PRDM10: variants seen among roughly 807,000 people sequenced by gnomAD.
PRDM10 encodes the protein PR/SET domain 10.
Under a neutral mutation model 133.1 loss-of-function variants are expected in PRDM10, and 65 were observed. That is an observed-to-expected ratio of 0.49 (90% CI 0.40 to 0.60). The LOEUF is 0.60. Among genes scored for constraint, PRDM10 ranks in the 20% least tolerant of loss-of-function variants. The pLI, the probability that PRDM10 is intolerant of heterozygous loss-of-function variation, is 0.00. For synonymous variants in PRDM10, 582 were observed against 580.4 expected, an observed-to-expected ratio of 1.00 and a Z score of -0.04; for missense variants, 1,137 against 1,507.1, an observed-to-expected ratio of 0.75 and a Z score of 4.07.
rs1282348947 is a variant in PRDM10, at chr11:129,901,263, G to A, written c.*1050C>T. On this transcript the variant is annotated 3_prime_UTR_variant, in exon 21 of 21. Coordinates refer to ENST00000360871, the MANE Select transcript of PRDM10 (RefSeq NM_199437.2). ...TCACAATATGTTTAAAGTTAAAAAT[G>A]TTAATAAATAAGAAATGCCACCTTC... is the stretch of plus-strand genomic sequence containing the variant. The A allele has an allele frequency of 6.6e-6, 1 of 152,594 alleles. No individual in the cohort carries two copies. The highest frequency in any genetic ancestry group is 1.5e-5 in the Non-Finnish European group (1 of 68,020). The allele number at this position is 152,594 out of a possible 1,614,324, so 9.5% of individuals were successfully genotyped here. A position where few individuals can be genotyped will look rare whatever the true frequency, so the allele number is the denominator to read the frequency against.
rs571956399 is a variant in PRDM10, at chr11:129,993,623, T to C, written c.-119+9099A>G. Among the ~76,000 whole-genome samples the C allele has an allele frequency of 1.1e-3, 169 of 152,282 alleles. No individual in the cohort carries two copies. In the Middle Eastern group the frequency reaches 0.024, roughly 21 times the overall value. On this transcript the variant is annotated intron_variant, in intron 1 of 20. Transcript: ENST00000360871. ...CCTCAGCCTCCCGAGTAGCTGGAAC[T>C]ACAGGCACCCGCCACCACACCTGGC...
rs1938425874 is a variant in PRDM10 at position 129,986,061 on chromosome 11, G to T, written c.-119+16661C>A. 2.0e-5 allele frequency among the ~76,000 whole-genome samples: 3 copies of T among 151,930 alleles called. No individual in the cohort carries two copies. The South Asian group carries it at 6.2e-4, about 32-fold the overall frequency. On this transcript the variant is annotated intron_variant, in intron 1 of 20. Coordinates refer to ENST00000360871, the MANE Select transcript of PRDM10 (RefSeq NM_199437.2). ...CTCATGGTGGTGTGGCAGAGTCTGGGGTGTGTGGTTCTGCAACCAGAATGT... is the reference window on the plus strand; with the variant it reads ...CTCATGGTGGTGTGGCAGAGTCTGGTGTGTGTGGTTCTGCAACCAGAATGT...
chr11:129,942,375 A>G, intron 7 of PRDM10, 51 bp downstream of exon 7: 2 of 1,560,712 alleles, frequency 1.3e-6, no homozygotes, highest in Non-Finnish European at 1.7e-6. Flanking sequence ...AAAAAGCCCT[A>G]AACAATCACT....
At chr11:129,935,746 A>G (rs1293640884) in intron 8 of PRDM10, among the ~76,000 whole-genome samples, 1 of 152,242 alleles carries the variant, frequency 6.6e-6, no homozygotes, top group Non-Finnish European at 1.5e-5. Flanking sequence ...ACTAAAAGAC[A>G]TATAAGAATG....
intron 1 of PRDM10, among the ~76,000 whole-genome samples, chr11:129,969,513 G>T (rs887692999): frequency 6.6e-6 from 1 of 152,066 alleles, no homozygotes. Flanking sequence ...AAATAGGAAG[G>T]CCTGGCACAG....
intron 1 of PRDM10, among the ~76,000 whole-genome samples, chr11:129,966,173 G>A (rs1481832254): frequency 6.6e-6 from 1 of 152,142 alleles, no homozygotes; most frequent in African/African-American, 2.4e-5. Flanking sequence ...GAACCTGGGA[G>A]GTGAATGTTG....
chr11:129,938,326 G>C (rs904106559), intron 7 of PRDM10, among the ~76,000 whole-genome samples: 2 of 152,114 alleles, frequency 1.3e-5, no homozygotes, highest in African/African-American at 4.8e-5. Flanking sequence ...CTCACAAACA[G>C]ATCAAACTCA....
rs1482144288 is a variant in PRDM10 at position 129,915,739 on chromosome 11, C to T, written c.2447G>A (p.Ser816Asn). Residue 816 changes from serine (S) to asparagine (N), a missense_variant, in exon 16 of 21, where the codon AGC (serine) becomes AAC (asparagine). Around this residue, in one of 6 missense-constraint regions of PRDM10, gnomAD observed 65 missense variants for 151.1 expected, o/e 0.43. Coordinates refer to ENST00000360871, the MANE Select transcript of PRDM10 (RefSeq NM_199437.2). The part of the protein sequence containing the change: ...AGPGEPDPML[S>N]THTQLTGTIA... Reference sequence around the variant, plus strand: ...GGTGCCCGTCAGCTGGGTGTGTGTGCTCAGCATGGGGTCTGGCTCTCCAGG... The same window carrying T: ...GGTGCCCGTCAGCTGGGTGTGTGTGTTCAGCATGGGGTCTGGCTCTCCAGG... 2 of 1,614,158 alleles carry T rather than the reference C, an allele frequency of 1.2e-6. No individual in the cohort carries two copies. The highest frequency in any genetic ancestry group is 1.1e-5 in the South Asian group (1 of 91,080).
At chr11:129,952,421 T>C (rs1001332014) in intron 4 of PRDM10, among the ~76,000 whole-genome samples, 9 of 152,220 alleles carry the variant, frequency 5.9e-5, no homozygotes, top group African/African-American at 1.7e-4. Context: ...AAATCAATTA[T>C]CAAAATAATT....
chr11:129,959,966 G>A (rs922596329), intron 2 of PRDM10, among the ~76,000 whole-genome samples: 1 of 133,088 alleles, frequency 7.5e-6, no homozygotes, highest in African/African-American at 2.8e-5. Flanking sequence ...TCACTTTGTT[G>A]CCCAGGCTGG....
In PRDM10 at chr11:129,902,318, G is replaced by A. The variant is rs997867587; in HGVS notation, c.3466C>T (p.Pro1156Ser). The change falls in exon 21 of 21, where the codon CCA becomes TCA. Residue 1156 changes from proline (P) to serine (S), a missense_variant. Physicochemically the swap from Pro to Ser is moderately conservative, Grantham distance 74. This residue lies in a region of PRDM10 where 243 missense variants were observed against 259.2 expected (regional missense o/e 0.94). Coordinates refer to ENST00000360871, the MANE Select transcript of PRDM10 (RefSeq NM_199437.2). ...NGSSEVHITK[P>S] ...TTCAAGCTCCAGGGTGGAAGTCATG[G>A]TTTGGTGATATGCACTTCGCTGCTT... The A allele has an allele frequency of 6.2e-7, 1 of 1,613,960 alleles. No individual in the cohort carries two copies. The highest frequency in any genetic ancestry group is 8.5e-7 in the Non-Finnish European group (1 of 1,179,928).
chr11:129,934,770 G>T (rs1950974934), intron 9 of PRDM10, among the ~76,000 whole-genome samples: 1 of 152,128 alleles, frequency 6.6e-6, no homozygotes, highest in African/African-American at 2.4e-5. Flanking sequence ...TAATTGTACT[G>T]CTGAAAAAAG....
Position 129,914,975 on chromosome 11 carries a change from G to C in PRDM10, c.2570C>G (p.Ala857Gly). Reference protein sequence around the residue: ...QHIRKKHPEFAQLSNTIHTPL... With the variant: ...QHIRKKHPEFGQLSNTIHTPL... ...TGTGTGTATGGTGTTGGAGAGCTGG[G>C]CGAACTCTGGATGCTTCTTTCGAAT... Residue 857 changes from alanine to glycine, a missense_variant, in exon 17 of 21, where the codon GCC becomes GGC. Transcript: ENST00000360871. 1 of 1,609,000 alleles carries C rather than the reference G, an allele frequency of 6.2e-7. No individual in the cohort carries two copies.
intron 19 of PRDM10, among the ~76,000 whole-genome samples, chr11:129,909,248 G>A (rs546043955): frequency 7.9e-4 from 119 of 151,216 alleles, no homozygotes; most frequent in African/African-American, 2.6e-3. Flanking sequence ...TCCGGAGTTC[G>A]AGATCAGCCT....
chr11:129,905,822 ACAGTCCG>A, intron 19 of PRDM10, 81 bp from the exon 20 acceptor site: 1 of 1,141,980 alleles, frequency 8.8e-7, no homozygotes, highest in Non-Finnish European at 1.3e-6. Context: ...ACCAGTAGCC[ACAGTCCG>A]CACTGATTTG....
At chr11:129,994,338 G>A (rs1017878149) in intron 1 of PRDM10, among the ~76,000 whole-genome samples, 1 of 136,320 alleles carries the variant, frequency 7.3e-6, no homozygotes, top group Admixed American at 7.6e-5. Flanking sequence ...GGTGGTGGGT[G>A]CCTGTAATCC....
At position 129,918,703 on chromosome 11, in the gene PRDM10, G is replaced by A. The variant is rs760125470; in HGVS notation, c.2050C>T (p.Arg684Trp). Residue 684 changes from arginine to tryptophan, a missense_variant, in exon 14 of 21, where the codon CGG becomes TGG. Transcript: ENST00000360871. The surrounding 1 kb of genome is among the most constrained non-coding windows in gnomAD (Gnocchi z 5.3). The part of the protein sequence containing the change: ...GKQFKRKDKL[R>W]EHMQRMHNPE... The stretch of plus-strand genomic sequence containing the variant: ...TTATGCATCCTCTGCATGTGTTCCC[G>A]TAGTTTGTCTTTTCGCTATTTGGAG... The A allele has an allele frequency of 2.0e-5, 33 of 1,609,964 alleles. No homozygotes were observed. Among genetic ancestry groups the A allele is most frequent in the East Asian group, 8.9e-5 (4 of 44,822 alleles).
intron 1 of PRDM10, among the ~76,000 whole-genome samples, chr11:129,982,012 C>CA (rs1938139290): frequency 6.6e-6 from 1 of 151,964 alleles, no homozygotes; most frequent in Non-Finnish European, 1.5e-5. Context: ...AATTCCAACA[C>CA]TTCTGGAGGC....
chr11:129,962,163 C>T (rs974648697), intron 1 of PRDM10, among the ~76,000 whole-genome samples: 9 of 152,164 alleles, frequency 5.9e-5, no homozygotes, highest in African/African-American at 2.2e-4. Flanking sequence ...TGCACAATAC[C>T]TGCATCTCAA....
Sources: gnomAD v4.1 joint callset for allele counts (sites outside exome capture counted in the v4.1 genomes callset) on GRCh38, gnomAD v4.1.1 for gene constraint, gnomAD v4.1.1 regional missense constraint, Gnocchi (gnomAD v3.1) non-coding constraint, MANE v1.5 for transcripts, NCBI Gene and HGNC (gene_info 2026-07-23, HGNC 2026-07-21) for gene names.